Variants in ADAM22 observed in about 807,000 individuals in gnomAD.
ADAM22 encodes the protein disintegrin and metalloproteinase domain-containing protein 22.
In ADAM22, 65 loss-of-function variants were observed where a neutral mutation model predicts 144.6. The observed-to-expected ratio is 0.45, with a 90% CI of 0.37 to 0.55. ADAM22 has a LOEUF of 0.55. Among genes scored for constraint, ADAM22 ranks in the 20% least tolerant of loss-of-function variants. The probability of loss-of-function intolerance (pLI) is 0.00; values close to 1 mark genes in which losing one functional copy is unlikely to be tolerated. For missense variants in ADAM22, 974 were observed against 1,184.9 expected (o/e 0.82, Z 2.61); for synonymous variants, 391 against 412.6 (o/e 0.95, Z 0.63).
chr7:88,053,902 G>A (rs928829948), intron 3 of ADAM22, among the ~76,000 whole-genome samples: 20 of 152,130 alleles, frequency 1.3e-4, no homozygotes, highest in African/African-American at 4.1e-4. Context: ...AGGCTGAGGC[G>A]GGCAGATCAC....
At chr7:88,157,311 T>A (rs1429840411) in intron 22 of ADAM22, among the ~76,000 whole-genome samples, 1 of 151,972 alleles carries the variant, frequency 6.6e-6, no homozygotes, top group African/African-American at 2.4e-5. Context: ...TTTTAGAACC[T>A]TAGAACAAAG....
intron 3 of ADAM22, among the ~76,000 whole-genome samples, chr7:87,983,798 A>T (rs1373123639): frequency 6.6e-6 from 1 of 152,056 alleles, no homozygotes; most frequent in African/African-American, 2.4e-5. Context: ...TTATTGTGTT[A>T]AAGCAATATC....
intron 4 of ADAM22, among the ~76,000 whole-genome samples, chr7:88,082,676 A>G (rs1245480301): frequency 6.6e-6 from 1 of 152,244 alleles, no homozygotes; most frequent in Non-Finnish European, 1.5e-5. Context: ...AAGTTTGCAA[A>G]GGATATGAAC....
At chr7:88,082,406 C>T (rs1224746546) in intron 4 of ADAM22, among the ~76,000 whole-genome samples, 2 of 152,120 alleles carry the variant, frequency 1.3e-5, no homozygotes, top group African/African-American at 2.4e-5. Context: ...CTAGGCAATA[C>T]CATTCAGGAC....
intron 17 of ADAM22, 42 bp downstream of exon 17, chr7:88,145,549 T>C (rs753927659): frequency 9.5e-6 from 14 of 1,476,916 alleles, no homozygotes; most frequent in Admixed American, 1.7e-5. Context: ...AAAAAGGACA[T>C]ACTTGATTAA....
chr7:87,957,584 T>C (rs1405179818), intron 2 of ADAM22, among the ~76,000 whole-genome samples: 1 of 152,156 alleles, frequency 6.6e-6, no homozygotes. Context: ...TCTTTTCTTC[T>C]TCTTTTTTTT....
At chr7:88,108,356 G>A in intron 5 of ADAM22, 98 bp downstream of exon 5, 1 of 934,398 alleles carries the variant, frequency 1.1e-6, no homozygotes, top group Non-Finnish European at 1.6e-6. Context: ...TTTGTGTCAA[G>A]AAATGACTTT....
At chr7:87,969,564 T>C (rs981689809) in intron 2 of ADAM22, among the ~76,000 whole-genome samples, 9 of 152,212 alleles carry the variant, frequency 5.9e-5, no homozygotes, top group Non-Finnish European at 1.2e-4. Context: ...GACTATCACT[T>C]ATTTAATTAT....
chr7:88,072,902 C>A (rs1158911179), intron 3 of ADAM22, among the ~76,000 whole-genome samples: 1 of 152,158 alleles, frequency 6.6e-6, no homozygotes, highest in Non-Finnish European at 1.5e-5. Flanking sequence ...GATGCTGGAG[C>A]AATTACCAGT....
intron 23 of ADAM22, among the ~76,000 whole-genome samples, chr7:88,164,010 T>C (rs1046511309): frequency 4.6e-5 from 7 of 152,234 alleles, no homozygotes; most frequent in African/African-American, 1.7e-4. Flanking sequence ...TCCATGCTTG[T>C]CCTCAGGGAT....
chr7:88,146,325 G>C (rs1836403963), intron 17 of ADAM22, among the ~76,000 whole-genome samples: 1 of 152,186 alleles, frequency 6.6e-6, no homozygotes, highest in East Asian at 1.9e-4. Context: ...TTTGCTGATT[G>C]AGTAACTTTA....
chr7:88,172,896 G>A (rs1270348887), intron 26 of ADAM22, among the ~76,000 whole-genome samples: 1 of 151,986 alleles, frequency 6.6e-6, no homozygotes, highest in East Asian at 1.9e-4. Context: ...GATCGTATTA[G>A]AAATCTAAGT....
At chr7:88,148,567 A>G (rs945433319) in intron 17 of ADAM22, among the ~76,000 whole-genome samples, 8 of 152,146 alleles carry the variant, frequency 5.3e-5, no homozygotes. Context: ...CAGAAAATCT[A>G]ATTTTTGTGG....
chr7:87,972,355 A>G (rs1850673444), intron 2 of ADAM22, among the ~76,000 whole-genome samples: 3 of 151,422 alleles, frequency 2.0e-5, no homozygotes, highest in Non-Finnish European at 4.4e-5. Flanking sequence ...AGAATAAAAT[A>G]CCTAGGAATC....
At chr7:88,072,525 C>CA (rs1813101611) in intron 3 of ADAM22, among the ~76,000 whole-genome samples, 1 of 152,140 alleles carries the variant, frequency 6.6e-6, no homozygotes. Flanking sequence ...AGTGAGAGAG[C>CA]AAGGGTCCCA....
chr7:87,999,869 G>A (rs553344547), intron 3 of ADAM22, among the ~76,000 whole-genome samples: 35 of 152,106 alleles, frequency 2.3e-4, no homozygotes, highest in African/African-American at 7.0e-4. Flanking sequence ...CCAGCTATTT[G>A]AGAGGCTGAG....
rs2129458763 is a variant in ADAM22 at position 88,008,028 on chromosome 7, A to G, written c.323+29616A>G. ...GACAAAGGGCTAATATCCAGAATCT[A>G]CAACGAACTCAAACAAATTTACAAG... On this transcript the variant is annotated intron_variant, in intron 3 of 31. Transcript: ENST00000413139. Among the ~76,000 whole-genome samples, 3 of 152,364 alleles carry G rather than the reference A, an allele frequency of 2.0e-5. No individual in the cohort carries two copies. The South Asian group carries it at 6.2e-4, about 32-fold the overall frequency.
chr7:88,021,197 A>T (rs1052921486), intron 3 of ADAM22, among the ~76,000 whole-genome samples: 5 of 152,192 alleles, frequency 3.3e-5, no homozygotes, highest in Non-Finnish European at 5.9e-5. Flanking sequence ...AGTGAATCAC[A>T]AGGAAATGGA....
intron 3 of ADAM22, among the ~76,000 whole-genome samples, chr7:87,991,441 A>G (rs949103108): frequency 7.2e-6 from 1 of 138,970 alleles, no homozygotes; most frequent in Non-Finnish European, 1.5e-5. Flanking sequence ...ATCTCGGCTC[A>G]CTGCAAGCTC....
Sources: gnomAD v4.1 joint callset for allele counts (sites outside exome capture counted in the v4.1 genomes callset) on GRCh38, gnomAD v4.1.1 for gene constraint, MANE v1.5 for transcripts, NCBI Gene and HGNC (gene_info 2026-07-23, HGNC 2026-07-21) for gene names.